UPF3B: variants seen among roughly 807,000 people sequenced by gnomAD.
The protein encoded by UPF3B is UPF3B regulator of nonsense mediated mRNA decay, also known as regulator of nonsense transcripts 3B.
UPF3B carries 7 observed loss-of-function variants against 40.3 expected under a neutral mutation model. The observed-to-expected ratio is 0.17, with a 90% CI of 0.10 to 0.33. The LOEUF is 0.33. Among genes scored for constraint, UPF3B ranks in the 10% least tolerant of loss-of-function variants. The pLI is 1.00. For missense variants in UPF3B, 229 were observed against 358.9 expected (o/e 0.64, Z 2.93); for synonymous variants, 117 against 117.3 (o/e 1.00, Z 0.01).
At chrX:119,843,345 AC>A in intron 4 of UPF3B, 44 bp from the exon 5 acceptor site, 1 of 880,453 alleles carries the variant, frequency 1.1e-6, no homozygotes, top group Non-Finnish European at 1.7e-6. Flanking sequence ...TAGACTTTAA[AC>A]AAAAAAAGAA....
At chrX:119,838,300 G>A in intron 9 of UPF3B, 67 bp downstream of exon 9, 2 of 1,143,190 alleles carry the variant, frequency 1.7e-6, no homozygotes, top group Non-Finnish European at 2.4e-6. Context: ...TCAGGTACAT[G>A]TCCAGGACAT....
chrX:119,829,000 C>T (rs779832130), intron 3 of UPF3B, among the ~76,000 whole-genome samples: 1 of 111,297 alleles, frequency 9.0e-6, no homozygotes, highest in Non-Finnish European at 1.9e-5. Flanking sequence ...GGATTACAGG[C>T]GTGAGCCACC....
chrX:119,810,458 G>C (rs898542225), intron 5 of UPF3B, among the ~76,000 whole-genome samples: 1 of 112,318 alleles, frequency 8.9e-6, no homozygotes, highest in African/African-American at 3.2e-5. Context: ...CGAAGATGTG[G>C]AAGTGGTCCA....
At chrX:119,815,284 G>A (rs1419417170) in exon 5 of UPF3B, 3 of 786,153 alleles carry the variant, frequency 3.8e-6, no homozygotes, top group Non-Finnish European at 4.6e-6. Flanking sequence ...CTCCTGGATG[G>A]TAACGCTGCA....
chrX:119,844,319 G>C (rs1206300965), intron 4 of UPF3B, among the ~76,000 whole-genome samples: 3 of 111,107 alleles, frequency 2.7e-5, no homozygotes, highest in Non-Finnish European at 5.7e-5. Flanking sequence ...CCAAAGTGCT[G>C]GGATTATAGG....
At chrX:119,830,404 C>T (rs1464212837), downstream of UPF3B, among the ~76,000 whole-genome samples, 4 of 110,356 alleles carry the variant, frequency 3.6e-5, no homozygotes, top group Non-Finnish European at 7.6e-5. Context: ...ACCTCCTCCC[C>T]GCACTCACTC....
At chrX:119,827,826 G>A (rs2055994997) in intron 3 of UPF3B, among the ~76,000 whole-genome samples, 2 of 110,510 alleles carry the variant, frequency 1.8e-5, no homozygotes, top group Admixed American at 1.9e-4. Flanking sequence ...TTTGCCTCCG[G>A]GTTCAAGCAA....
intron 3 of UPF3B, among the ~76,000 whole-genome samples, chrX:119,825,027 A>G (rs1473348825): frequency 9.0e-6 from 1 of 111,123 alleles, no homozygotes; most frequent in Non-Finnish European, 1.9e-5. Flanking sequence ...TTGGCTTCCC[A>G]AAGTGCTAGG....
chrX:119,834,684 T>A lies in UPF3B; in HGVS notation c.*194A>T. On this transcript the variant is annotated 3_prime_UTR_variant, in exon 11 of 11. Transcript: ENST00000276201. ...TAATTTGTAGAAATTGCAAAAGCAA[T>A]GAAATTGTACTTCCAATTCTGAACC... 1 of 1,092,091 alleles carries A rather than the reference T, an allele frequency of 9.2e-7. No individual in the cohort carries two copies. Among genetic ancestry groups the A allele is most frequent in the South Asian group, 2.4e-5 (1 of 42,099 alleles). The allele number at this position is 1,092,091 out of a possible 1,213,427, so 90.0% of individuals were successfully genotyped here. A position where few individuals can be genotyped will look rare whatever the true frequency, so the allele number is the denominator to read the frequency against.
chrX:119,838,251 C>T, intron 9 of UPF3B, 116 bp downstream of exon 9: 1 of 946,974 alleles, frequency 1.1e-6, no homozygotes, highest in East Asian at 3.1e-5. Context: ...AACTGTTCCT[C>T]CTCATCCCCC....
downstream of UPF3B, among the ~76,000 whole-genome samples, chrX:119,830,253 C>T (rs758881374): frequency 2.7e-5 from 3 of 111,220 alleles, no homozygotes; most frequent in African/African-American, 9.8e-5. Context: ...TTTGTCCCCA[C>T]CCAAATCTCA....
At chrX:119,830,351 T>G (rs1421231831), downstream of UPF3B, among the ~76,000 whole-genome samples, 1 of 110,594 alleles carries the variant, frequency 9.0e-6, no homozygotes, top group Admixed American at 9.8e-5. Context: ...TGCTGTCCTC[T>G]CCATAGTGAG....
At chrX:119,809,968 A>G (rs1477677046) in intron 5 of UPF3B, among the ~76,000 whole-genome samples, 1 of 112,173 alleles carries the variant, frequency 8.9e-6, no homozygotes, top group Non-Finnish European at 1.9e-5. Context: ...ACCTAAATAA[A>G]TCAGCAGTTT....
At chrX:119,821,825 A>C (rs1209740830) in intron 4 of UPF3B, among the ~76,000 whole-genome samples, 1 of 110,979 alleles carries the variant, frequency 9.0e-6, no homozygotes, top group African/African-American at 3.3e-5. Context: ...AACAAAAAAA[A>C]CCTCACAGCT....
intron 3 of UPF3B, among the ~76,000 whole-genome samples, chrX:119,825,558 G>T (rs1307946386): frequency 9.0e-6 from 1 of 111,508 alleles, no homozygotes; most frequent in Non-Finnish European, 1.9e-5. Context: ...TATCTCAACA[G>T]GATCTAGTTT....
chrX:119,844,073 G>A (rs993530207), intron 4 of UPF3B, among the ~76,000 whole-genome samples: 1 of 110,110 alleles, frequency 9.1e-6, no homozygotes, highest in Non-Finnish European at 1.9e-5. Flanking sequence ...TTTTTGAGAC[G>A]GAGTTTTGCT....
intron 10 of UPF3B, among the ~76,000 whole-genome samples, chrX:119,836,865 T>C (rs2056100131): frequency 9.2e-6 from 1 of 108,223 alleles, no homozygotes; most frequent in Non-Finnish European, 1.9e-5. Flanking sequence ...TTAGCCAGGA[T>C]GGTCTTGATC....
intron 3 of UPF3B, among the ~76,000 whole-genome samples, chrX:119,845,875 T>G (rs1193915922): frequency 2.7e-5 from 3 of 111,158 alleles, no homozygotes; most frequent in Admixed American, 9.6e-5. Context: ...AAAGTGTAAC[T>G]ATTTGAGGTG....
chrX:119,841,078 T>C lies in UPF3B; in HGVS notation c.805A>G (p.Lys269Glu). 1 of 1,210,170 alleles carries C rather than the reference T, an allele frequency of 8.3e-7. No homozygotes were observed. The highest frequency in any genetic ancestry group is 1.1e-6 in the Non-Finnish European group (1 of 894,672). Residue 269 changes from lysine (K) to glutamate (E), a missense_variant and splice_region_variant, in exon 7 of 11, where the codon AAG (lysine) becomes GAG (glutamate). By Grantham distance (56) the Lys-to-Glu change is moderately conservative. Transcript: ENST00000276201. ...RDKLKDEPKI[K>E]VHRFLLQAVN... ...AGTCAGTTTCAACATTCTTATACCT[T>C]AATCTTTGGTTCATCCTTTAATTTG...
Sources: gnomAD v4.1 joint callset for allele counts (sites outside exome capture counted in the v4.1 genomes callset) on GRCh38, gnomAD v4.1.1 for gene constraint, MANE v1.5 for transcripts, NCBI Gene and HGNC (gene_info 2026-07-23, HGNC 2026-07-21) for gene names.